C12orf42: variants seen among roughly 807,000 people sequenced by gnomAD.
The protein encoded by C12orf42 is uncharacterized protein C12orf42.
Under a neutral mutation model 21.6 loss-of-function variants are expected in C12orf42, and 25 were observed. The observed-to-expected ratio is 1.16, with a 90% confidence interval of 0.84 to 1.62. The LOEUF (loss-of-function observed/expected upper bound fraction) is 1.62, where lower values mean the gene tolerates loss of function less well. Among genes scored for constraint, C12orf42 ranks in the 40% most tolerant of loss-of-function variants. The pLI is 0.00. For synonymous variants in C12orf42, 174 were observed against 175.0 expected, an observed-to-expected ratio of 0.99 and a Z score of 0.05; for missense variants, 483 against 459.3, an observed-to-expected ratio of 1.05 and a Z score of -0.47.
At chr12:103,231,349 C>T in the C12orf42 span, among the ~76,000 whole-genome samples, 3 of 152,188 alleles carry the variant, frequency 2.0e-5, no homozygotes, top group South Asian at 2.1e-4. Flanking sequence ...GGTTCACCCT[C>T]GGTGCTGTAC....
chr12:103,348,841 A>T (rs1257219218), intron 4 of C12orf42, among the ~76,000 whole-genome samples: 1 of 152,194 alleles, frequency 6.6e-6, no homozygotes, highest in Non-Finnish European at 1.5e-5. Context: ...GAGATAAGGA[A>T]CAATTGCAAG....
intron 4 of C12orf42, among the ~76,000 whole-genome samples, chr12:103,363,433 T>C (rs1250805866): frequency 6.6e-6 from 1 of 151,792 alleles, no homozygotes; most frequent in African/African-American, 2.4e-5. Flanking sequence ...AAAAATACAA[T>C]TAAAAAAGAC....
chr12:103,122,387 TATTCATTC>T, the C12orf42 span, among the ~76,000 whole-genome samples: 1 of 151,808 alleles, frequency 6.6e-6, no homozygotes, highest in Non-Finnish European at 1.5e-5. Context: ...GCCATTATTG[TATTCATTC>T]ATTCATTCAT....
chr12:103,245,545 A>G (rs1007724607), intron 10 of C12orf42, among the ~76,000 whole-genome samples: 1 of 152,080 alleles, frequency 6.6e-6, no homozygotes, highest in Non-Finnish European at 1.5e-5. Context: ...AACATAAATA[A>G]AATGCCTTGT....
At chr12:103,166,804 C>T in the C12orf42 span, among the ~76,000 whole-genome samples, 1 of 152,158 alleles carries the variant, frequency 6.6e-6, no homozygotes, top group Non-Finnish European at 1.5e-5. Context: ...TGCAAATTAA[C>T]TTCTTAAGGC....
chr12:103,516,771 G>A, the C12orf42 span, among the ~76,000 whole-genome samples: 1 of 152,158 alleles, frequency 6.6e-6, no homozygotes, highest in Non-Finnish European at 1.5e-5. Context: ...TATCAAACAT[G>A]CTTAAATGTC....
the C12orf42 span, among the ~76,000 whole-genome samples, chr12:103,502,024 T>C: frequency 3.3e-5 from 5 of 152,158 alleles, no homozygotes; most frequent in African/African-American, 4.8e-5. Flanking sequence ...GTTCAAAAGA[T>C]GTCAGGATCC....
intron 4 of C12orf42, among the ~76,000 whole-genome samples, chr12:103,322,969 A>G (rs1275472476): frequency 2.6e-5 from 4 of 152,176 alleles, no homozygotes; most frequent in Non-Finnish European, 4.4e-5. Context: ...GTTATAAAAT[A>G]CTGCTCAGTT....
chr12:103,153,469 C>T, the C12orf42 span, among the ~76,000 whole-genome samples: 1 of 151,958 alleles, frequency 6.6e-6, no homozygotes, highest in Non-Finnish European at 1.5e-5. Context: ...AAGAACCTCA[C>T]AAATCAATTT....
chr12:103,063,920 G>A, the C12orf42 span, among the ~76,000 whole-genome samples: 32 of 152,258 alleles, frequency 2.1e-4, no homozygotes, highest in African/African-American at 7.0e-4. Flanking sequence ...ACTAAGTAGC[G>A]ACTCTGCATT....
the C12orf42 span, among the ~76,000 whole-genome samples, chr12:103,138,043 G>A: frequency 6.6e-6 from 1 of 152,116 alleles, no homozygotes; most frequent in Non-Finnish European, 1.5e-5. Context: ...CCAACACATA[G>A]AAATAATAAA....
the C12orf42 span, among the ~76,000 whole-genome samples, chr12:103,520,418 G>T: frequency 6.6e-6 from 1 of 152,126 alleles, no homozygotes; most frequent in African/African-American, 2.4e-5. Flanking sequence ...GTCAAGTGCA[G>T]TGGCTCATGC....
At chr12:103,264,269 G>A (rs1414232593), downstream of C12orf42, among the ~76,000 whole-genome samples, 1 of 152,012 alleles carries the variant, frequency 6.6e-6, no homozygotes, top group Non-Finnish European at 1.5e-5. Context: ...CAGTACTGTG[G>A]CTGTAAAACA....
intron 2 of C12orf42, among the ~76,000 whole-genome samples, chr12:103,406,977 G>A (rs184272186): frequency 6.6e-5 from 10 of 152,304 alleles, no homozygotes; most frequent in Admixed American, 2.0e-4. Context: ...GTTGTGCCCC[G>A]TAATAACTCC....
At chr12:103,469,006 C>T (rs1185264656) in intron 2 of C12orf42, among the ~76,000 whole-genome samples, 4 of 152,222 alleles carry the variant, frequency 2.6e-5, no homozygotes, top group Admixed American at 6.5e-5. Flanking sequence ...CTTGGGCGGC[C>T]TAGTGCCTGT....
At chr12:103,104,671 C>T in the C12orf42 span, among the ~76,000 whole-genome samples, 1 of 152,212 alleles carries the variant, frequency 6.6e-6, no homozygotes, top group South Asian at 2.1e-4. Flanking sequence ...AATCTCCTGA[C>T]CTCATGATCC....
chr12:103,233,631 C>T (rs1041417865), downstream of C12orf42, among the ~76,000 whole-genome samples: 2 of 152,142 alleles, frequency 1.3e-5, no homozygotes, highest in African/African-American at 4.8e-5. Flanking sequence ...TTATTCATTG[C>T]TGGTGTTCAA....
chr12:103,221,401 G>C, the C12orf42 span, among the ~76,000 whole-genome samples: 1 of 152,194 alleles, frequency 6.6e-6, no homozygotes, highest in Non-Finnish European at 1.5e-5. Context: ...TCTACTGGGT[G>C]CTGAGTACTG....
the C12orf42 span, among the ~76,000 whole-genome samples, chr12:103,093,019 TTGCATAGGACTCTGTTTCC>T: frequency 6.6e-6 from 1 of 152,192 alleles, no homozygotes; most frequent in Non-Finnish European, 1.5e-5. Flanking sequence ...TTTTCTGGCC[TTGCATAGGACTCTGTTTCC>T]TGCATCCCTT....
Sources: allele counts gnomAD v4.1 joint callset (sites outside exome capture counted in the v4.1 genomes callset), GRCh38; gene constraint gnomAD v4.1.1; transcripts MANE v1.5; gene names NCBI Gene and HGNC (gene_info 2026-07-23, HGNC 2026-07-21).